The following ANKRD54 variants were observed in gnomAD, a reference collection of about 807,000 sequenced individuals.
The protein encoded by ANKRD54 is ankyrin repeat domain 54, also known as ankyrin repeat domain-containing protein 54.
ANKRD54 carries 26 observed loss-of-function variants against 36.2 expected under a neutral mutation model. The ratio of observed to expected loss-of-function variants is 0.72; its 90% CI spans 0.53 to 1.00. The LOEUF (loss-of-function observed/expected upper bound fraction) is 1.00. ANKRD54 is among the 50% of genes least tolerant of loss of function. ANKRD54 has a pLI of 0.00. For synonymous variants in ANKRD54, 209 were observed against 188.4 expected (o/e 1.11, Z -0.89); for missense variants, 384 against 424.3 (o/e 0.91, Z 0.83).
chr22:37,845,509 C>T (rs375551555), upstream of ANKRD54, among the ~76,000 whole-genome samples: 4 of 152,314 alleles, frequency 2.6e-5, no homozygotes, highest in South Asian at 4.1e-4. Context: ...TTGCCCAGCT[C>T]TCACCGGACC....
At chr22:37,847,738 G>T, upstream of ANKRD54, 1 of 427,208 alleles carries the variant, frequency 2.3e-6, no homozygotes, top group Non-Finnish European at 4.7e-6. Context: ...CTCTTCCTTG[G>T]TTCAGGGAAG....
intron 3 of ANKRD54, among the ~76,000 whole-genome samples, chr22:37,836,167 C>T: frequency 6.7e-6 from 1 of 149,894 alleles, no homozygotes; most frequent in Non-Finnish European, 1.5e-5. Context: ...ACAAAAGAGG[C>T]CAGGTGCGGT....
intron 3 of ANKRD54, among the ~76,000 whole-genome samples, chr22:37,836,692 G>A (rs1440855420): frequency 1.3e-5 from 2 of 151,294 alleles, no homozygotes; most frequent in Admixed American, 6.6e-5. Flanking sequence ...CCTATGTAAC[G>A]AACCTGCACG....
intron 1 of ANKRD54, chr22:37,843,532 A>C (rs940389792): frequency 1.3e-4 from 21 of 163,740 alleles, no homozygotes; most frequent in African/African-American, 5.0e-4. Flanking sequence ...AAGGAGTCCA[A>C]GTCCGTGCAT....
At chr22:37,834,925 G>A (rs148461985) in intron 3 of ANKRD54, among the ~76,000 whole-genome samples, 45 of 151,824 alleles carry the variant, frequency 3.0e-4, no homozygotes, top group African/African-American at 1.1e-3. Context: ...TGGGTGTGGT[G>A]GCATACCCCT....
chr22:37,843,374 G>A (rs1033386155), intron 1 of ANKRD54, among the ~76,000 whole-genome samples: 1 of 152,112 alleles, frequency 6.6e-6, no homozygotes, highest in African/African-American at 2.4e-5. Context: ...AGTGAACCAA[G>A]ATGGCGCCAC....
At chr22:37,841,936 T>A (rs959621988) in intron 1 of ANKRD54, among the ~76,000 whole-genome samples, 1 of 150,964 alleles carries the variant, frequency 6.6e-6, no homozygotes, top group East Asian at 2.0e-4. Flanking sequence ...TGGTGGTGCA[T>A]GCCTGTAATC....
intron 2 of ANKRD54, among the ~76,000 whole-genome samples, chr22:37,839,542 C>G (rs1447102668): frequency 2.0e-5 from 3 of 152,158 alleles, no homozygotes; most frequent in African/African-American, 7.2e-5. Flanking sequence ...CGCCCACCAC[C>G]ACGTCCGGCT....
At chr22:37,849,299 C>A, upstream of ANKRD54, 1 of 960,948 alleles carries the variant, frequency 1.0e-6, no homozygotes, top group Non-Finnish European at 1.7e-6. Flanking sequence ...GCTCCTCTTC[C>A]TTCTGGATAT....
chr22:37,832,586 G>T, intron 7 of ANKRD54, 51 bp downstream of exon 7: 3 of 1,555,146 alleles, frequency 1.9e-6, no homozygotes, highest in Non-Finnish European at 2.7e-6. Flanking sequence ...GGGTGGACTG[G>T]CCCTGAGGCT....
rs565322013 is a variant in ANKRD54, at chr22:37,842,119, C to T, written c.328+1792G>A. Among the ~76,000 whole-genome samples, 6 of 149,870 alleles carry T rather than the reference C, an allele frequency of 4.0e-5. 1 individual carries two copies. In the South Asian group the frequency reaches 1.3e-3, roughly 32 times the overall value. On this transcript the variant is annotated intron_variant, in intron 1 of 7. Transcript: ENST00000215941. ...TCAATCTAACATGGTAAAACCCCAT[C>T]TCTACTAAAAATACAAAAACTAGCT... is the stretch of plus-strand genomic sequence containing the variant.
At chr22:37,836,669 C>T (rs777959389) in intron 3 of ANKRD54, among the ~76,000 whole-genome samples, 59 of 151,492 alleles carry the variant, frequency 3.9e-4, no homozygotes, top group Admixed American at 1.9e-3. Context: ...AAAACCACCA[C>T]GGCACAGGTG....
At chr22:37,843,513 A>T (rs1179642556) in intron 1 of ANKRD54, 1 of 158,254 alleles carries the variant, frequency 6.3e-6, no homozygotes, top group Non-Finnish European at 1.4e-5. Flanking sequence ...CTAAGGTCTA[A>T]CTGTGGTAAA....
intron 7 of ANKRD54, 146 bp from the exon 8 acceptor site, chr22:37,832,163 A>G (rs1056895127): frequency 6.6e-6 from 5 of 755,822 alleles, no homozygotes; most frequent in Non-Finnish European, 2.2e-6. Context: ...GCAGTTGACC[A>G]AGGGTCAATC....
Position 37,840,317 on chromosome 22 carries a change from G to T in ANKRD54, c.329-83C>A, listed in dbSNP as rs1222601377. 3.2e-5 allele frequency: 47 copies of T among 1,464,946 alleles called. No homozygotes were observed. The Middle Eastern group carries it at 9.2e-4, about 29-fold the overall frequency. The allele number at this position is 1,464,946 out of a possible 1,614,324, so 90.7% of individuals were successfully genotyped here. ...CTCATGCCTATAATCCCAGCACTCT[G>T]GGAGGCCAAGGCAGGCAGATCACAA... On this transcript the variant is annotated intron_variant, in intron 1 of 7. Coordinates refer to ENST00000215941, the MANE Select transcript of ANKRD54 (RefSeq NM_138797.4).
In ANKRD54 at chr22:37,832,702, G is replaced by A. The variant is rs766966392; in HGVS notation, c.763C>T (p.His255Tyr). 1 of 1,614,202 alleles carries A rather than the reference G, an allele frequency of 6.2e-7. No homozygotes were observed. The highest frequency in any genetic ancestry group is 1.7e-5 in the Admixed American group (1 of 60,016). ...LREYLERLGQ[H>Y]EQRERLDDLC... ...TCATCCAGGCGTTCTCGCTGCTCAT[G>A]TTGCCCTAGGCGCTCCAGATACTCC... Residue 255 changes from histidine (H) to tyrosine (Y), a missense_variant, in exon 7 of 8, where the codon CAT (histidine) becomes TAT (tyrosine). His to Tyr is a moderately conservative substitution (Grantham distance 83, BLOSUM62 2). Coordinates refer to ENST00000215941, the MANE Select transcript of ANKRD54 (RefSeq NM_138797.4).
chr22:37,842,527 G>A (rs1310305228), intron 1 of ANKRD54, among the ~76,000 whole-genome samples: 2 of 152,226 alleles, frequency 1.3e-5, no homozygotes, highest in Admixed American at 6.5e-5. Context: ...TGGTTACACA[G>A]ATAATCTTAT....
intron 3 of ANKRD54, chr22:37,834,233 A>G (rs1293724409): frequency 6.4e-6 from 1 of 157,122 alleles, no homozygotes; most frequent in African/African-American, 2.4e-5. Context: ...GGTAGCCTGG[A>G]TCCCAGACAT....
intron 3 of ANKRD54, among the ~76,000 whole-genome samples, chr22:37,836,568 G>A (rs565003751): frequency 2.6e-5 from 4 of 151,678 alleles, no homozygotes; most frequent in South Asian, 2.1e-4. Context: ...AGGGCCTGTC[G>A]GGGGGTGGGG....
Sources: allele counts gnomAD v4.1 joint callset (sites outside exome capture counted in the v4.1 genomes callset), GRCh38; gene constraint gnomAD v4.1.1; transcripts MANE v1.5; gene names NCBI Gene and HGNC (gene_info 2026-07-23, HGNC 2026-07-21).